Variants in APP observed in about 807,000 individuals in gnomAD.
The protein encoded by APP is amyloid beta precursor protein, also known as amyloid-beta precursor protein.
A neutral mutation model predicts 101.4 loss-of-function variants in APP; 31 were observed. That is an observed-to-expected ratio of 0.31 (90% CI 0.23 to 0.41). The LOEUF (loss-of-function observed/expected upper bound fraction) is 0.41, where lower values mean the gene tolerates loss of function less well. APP is among the 10% of genes least tolerant of loss of function. APP has a pLI of 1.00. For missense variants in APP, 839 were observed against 1,003.7 expected (o/e 0.84, Z 2.22); for synonymous variants, 366 against 364.4 (o/e 1.00, Z -0.05).
rs141885434 is a variant in APP at position 25,987,727 on chromosome 21, T to A, written c.1091-5250A>T. Among the ~76,000 whole-genome samples the A allele has an allele frequency of 3.9e-5, 6 of 152,316 alleles. No individual in the cohort carries two copies. In the East Asian group the frequency reaches 1.2e-3, roughly 29 times the overall value. On this transcript the variant is annotated intron_variant, in intron 8 of 17. Coordinates refer to ENST00000346798, the MANE Select transcript of APP (RefSeq NM_000484.4). ...TTGCCACCCTGGGAAGTCAGAGGTA[T>A]CAAAGCAGCTGAGACAGCAGCTCTG...
chr21:26,090,392 T>C (rs1326765962), intron 2 of APP, among the ~76,000 whole-genome samples: 2 of 152,216 alleles, frequency 1.3e-5, no homozygotes, highest in Admixed American at 6.5e-5. Flanking sequence ...TTTGGGATAC[T>C]CAACCTATAC....
chr21:26,067,462 G>T (rs2046500446), intron 3 of APP, among the ~76,000 whole-genome samples: 1 of 152,168 alleles, frequency 6.6e-6, no homozygotes, highest in Non-Finnish European at 1.5e-5. Flanking sequence ...ACAGGTTGGG[G>T]TTATGGGAGA....
chr21:26,093,736 T>C (rs570042881), intron 2 of APP, among the ~76,000 whole-genome samples: 4 of 152,266 alleles, frequency 2.6e-5, no homozygotes, highest in African/African-American at 7.2e-5. Flanking sequence ...ATCTAGAACA[T>C]GCGTGTTATT....
intron 1 of APP, among the ~76,000 whole-genome samples, chr21:26,131,253 AAATTAATT>A (rs2062789431): frequency 6.6e-6 from 1 of 151,586 alleles, no homozygotes; most frequent in African/African-American, 2.4e-5. Context: ...ATAAATAAAT[AAATTAATT>A]AATTAATTTA....
In APP at chr21:25,956,686, G is replaced by C. The variant is rs568992495; in HGVS notation, c.1459-931C>G. Among the ~76,000 whole-genome samples the C allele has an allele frequency of 1.6e-4, 25 of 152,286 alleles. No homozygotes were observed. In the South Asian group the frequency reaches 5.2e-3, roughly 32 times the overall value. ...TGTGTCATGAGTACCCTGAAAACCA[G>C]TTGGAAGGTACAAAATTTATTCCAG... On this transcript the variant is annotated intron_variant, in intron 11 of 17. Transcript: ENST00000346798.
chr21:26,031,193 G>A (rs1349782708), intron 5 of APP, among the ~76,000 whole-genome samples: 1 of 152,198 alleles, frequency 6.6e-6, no homozygotes, highest in African/African-American at 2.4e-5. Context: ...TCCTTCCACT[G>A]TGTCCATACA....
chr21:26,076,474 C>T (rs1376540123), intron 3 of APP, among the ~76,000 whole-genome samples: 1 of 152,142 alleles, frequency 6.6e-6, no homozygotes, highest in African/African-American at 2.4e-5. Flanking sequence ...AGTTCCTGAA[C>T]AAACACGTGT....
chr21:25,897,040 T>C (rs1207526029), intron 16 of APP, among the ~76,000 whole-genome samples: 2 of 152,206 alleles, frequency 1.3e-5, no homozygotes, highest in African/African-American at 2.4e-5. Flanking sequence ...GTGGCTGCTA[T>C]ATTGAAATTA....
chr21:26,094,644 A>G (rs1305037797), intron 2 of APP, among the ~76,000 whole-genome samples: 1 of 150,044 alleles, frequency 6.7e-6, no homozygotes, highest in Non-Finnish European at 1.5e-5. Context: ...AGATATAAAT[A>G]TAAATATAGT....
At chr21:25,999,338 T>C (rs9982544) in intron 7 of APP, among the ~76,000 whole-genome samples, 8,807 of 152,156 alleles carry the variant, frequency 0.058, 835 homozygotes, top group African/African-American at 0.2. Flanking sequence ...CCTTATGTCA[T>C]TGAAAGTTTC....
intron 1 of APP, among the ~76,000 whole-genome samples, chr21:26,135,313 A>G (rs1177361858): frequency 2.0e-5 from 3 of 152,222 alleles, no homozygotes; most frequent in Non-Finnish European, 2.9e-5. Context: ...CAGAAAGGGT[A>G]TGGGGGTTGA....
chr21:26,150,464 T>C (rs577755111), intron 1 of APP, among the ~76,000 whole-genome samples: 1 of 152,178 alleles, frequency 6.6e-6, no homozygotes, highest in Admixed American at 6.5e-5. Flanking sequence ...TTTGCTGAAA[T>C]GGCATATTTG....
At chr21:26,117,286 A>G (rs2062456539) in intron 1 of APP, among the ~76,000 whole-genome samples, 1 of 152,228 alleles carries the variant, frequency 6.6e-6, no homozygotes, top group African/African-American at 2.4e-5. Context: ...AGTGCTTTAC[A>G]TTTTCATATT....
chr21:26,124,454 ATTCCTGAACTCCT>A (rs2062640282), intron 1 of APP, among the ~76,000 whole-genome samples: 1 of 152,246 alleles, frequency 6.6e-6, no homozygotes, highest in Non-Finnish European at 1.5e-5. Context: ...TTGATAACAC[ATTCCTGAACTCCT>A]TTGTAATTCA....
intron 1 of APP, among the ~76,000 whole-genome samples, chr21:26,138,910 T>G (rs2146301690): frequency 6.6e-6 from 1 of 152,336 alleles, no homozygotes; most frequent in South Asian, 2.1e-4. Context: ...AAAGGAGGGC[T>G]TTCTTCGATA....
chr21:26,119,756 C>CT (rs2062523197), intron 1 of APP, among the ~76,000 whole-genome samples: 1 of 152,178 alleles, frequency 6.6e-6, no homozygotes, highest in African/African-American at 2.4e-5. Flanking sequence ...AATGCTGGTA[C>CT]TTTGCTAAGA....
chr21:25,956,513 G>A (rs2041328395), intron 11 of APP, among the ~76,000 whole-genome samples: 1 of 152,130 alleles, frequency 6.6e-6, no homozygotes, highest in South Asian at 2.1e-4. Context: ...ATCACTATAT[G>A]CATTCCACTA....
At chr21:26,050,799 ACT>A (rs1280005253) in intron 5 of APP, among the ~76,000 whole-genome samples, 199 bp downstream of exon 5, 1 of 152,164 alleles carries the variant, frequency 6.6e-6, no homozygotes, top group East Asian at 1.9e-4. Context: ...GTTAAAATTA[ACT>A]CTGTGATGGG....
intron 1 of APP, among the ~76,000 whole-genome samples, chr21:26,124,979 G>A (rs891010905): frequency 2.0e-5 from 3 of 152,242 alleles, no homozygotes; most frequent in African/African-American, 7.2e-5. Flanking sequence ...AACCAAAGGT[G>A]CTGGAGTGTT....
Sources: allele counts gnomAD v4.1 joint callset (sites outside exome capture counted in the v4.1 genomes callset), GRCh38; gene constraint gnomAD v4.1.1; transcripts MANE v1.5; gene names NCBI Gene and HGNC (gene_info 2026-07-23, HGNC 2026-07-21).